The following CWC25 variants were observed in gnomAD, a reference collection of about 807,000 sequenced individuals.
CWC25 encodes pre-mRNA-splicing factor CWC25 homolog.
A neutral mutation model predicts 54.6 loss-of-function variants in CWC25; 31 were observed. The observed-to-expected ratio is 0.57, with a 90% CI of 0.43 to 0.77. The LOEUF (loss-of-function observed/expected upper bound fraction) is 0.77, where lower values mean the gene tolerates loss of function less well. Ranked by LOEUF, CWC25 falls within the 30% of genes least tolerant of loss-of-function variation. The pLI is 0.00. For missense variants in CWC25, 453 were observed against 529.3 expected, an observed-to-expected ratio of 0.86 and a Z score of 1.41; for synonymous variants, 151 against 187.0, an observed-to-expected ratio of 0.81 and a Z score of 1.57.
chr17:38,802,837 C>T lies in CWC25; in HGVS notation c.1026G>A (p.Glu342=). 1.9e-6 allele frequency: 3 copies of T among 1,613,964 alleles called. No individual in the cohort carries two copies. Among genetic ancestry groups the T allele is most frequent in the Non-Finnish European group, 2.5e-6 (3 of 1,179,884 alleles). ...TTTCCATCATCTCTTGCCGTTTTCGCTCTAATTCCTCTGCAGAGAGTTTTC... is the reference window on the plus strand; with the variant it reads ...TTTCCATCATCTCTTGCCGTTTTCGTTCTAATTCCTCTGCAGAGAGTTTTC... The part of the protein sequence containing the change: ...YTRKLSAEEL[E]RKRQEMMENA... Residue 342 remains glutamate (E), a synonymous_variant, in exon 9 of 10, where the codon GAG becomes GAA. Coordinates refer to ENST00000614790, the MANE Select transcript of CWC25 (RefSeq NM_017748.5).
rs138792908 is a variant in CWC25, at chr17:38,810,198, C to A, written c.626+270G>T. 1.6e-3 allele frequency: 775 copies of A among 472,520 alleles called. 6 individuals are homozygous for A. The highest frequency in any genetic ancestry group is 0.014 in the African/African-American group (697 of 49,658). 29.3% of individuals were successfully genotyped at this position (472,520 alleles called of 1,614,324 possible). A position where few individuals can be genotyped will look rare whatever the true frequency, so the allele number is the denominator to read the frequency against. On this transcript the variant is annotated intron_variant, in intron 5 of 9. Transcript: ENST00000614790. ...ACAGAGTCACCCCCAGGATGTCTGACCTACCTAAGACCTACTAGGCTAAAG... is the reference window on the plus strand; with the variant it reads ...ACAGAGTCACCCCCAGGATGTCTGAACTACCTAAGACCTACTAGGCTAAAG...
In CWC25 at chr17:38,811,795, G is replaced by C. The variant is rs551643626; in HGVS notation, c.498+1000C>G. Reference sequence around the variant, plus strand: ...AAACAGTCACCAAAACCACTGCCTAGGAGTTTCCATTCTGTGTCACAGGAA... The same window carrying C: ...AAACAGTCACCAAAACCACTGCCTACGAGTTTCCATTCTGTGTCACAGGAA... On this transcript the variant is annotated intron_variant, in intron 4 of 9. Coordinates refer to ENST00000614790, the MANE Select transcript of CWC25 (RefSeq NM_017748.5). 1.3e-4 allele frequency among the ~76,000 whole-genome samples: 20 copies of C among 152,226 alleles called. No individual in the cohort carries two copies. The South Asian group carries it at 4.1e-3, about 32-fold the overall frequency.
intron 8 of CWC25, 22 bp from the exon 9 acceptor site, chr17:38,802,883 C>G: frequency 1.2e-6 from 2 of 1,613,138 alleles, no homozygotes; most frequent in Non-Finnish European, 1.7e-6. Context: ...AGAAACCATA[C>G]GATCAGGTCT....
At chr17:38,824,731 G>C (rs990804695) in intron 1 of CWC25, among the ~76,000 whole-genome samples, 2 of 152,064 alleles carry the variant, frequency 1.3e-5, no homozygotes, top group African/African-American at 2.4e-5. Context: ...TTAGGGTAGG[G>C]AGAATGGGGC....
At chr17:38,821,277 C>G (rs1235719540) in intron 1 of CWC25, among the ~76,000 whole-genome samples, 3 of 152,086 alleles carry the variant, frequency 2.0e-5, no homozygotes, top group African/African-American at 7.2e-5. Flanking sequence ...AGCTTCAGGA[C>G]AGGTCGGGCG....
intron 1 of CWC25, among the ~76,000 whole-genome samples, chr17:38,824,713 G>A (rs1361237140): frequency 6.6e-6 from 1 of 151,888 alleles, no homozygotes; most frequent in East Asian, 1.9e-4. Flanking sequence ...ACGACCCCAG[G>A]GCATGGCTTA....
intron 4 of CWC25, 59 bp from the exon 5 acceptor site, chr17:38,810,654 T>G: frequency 1.2e-6 from 1 of 855,420 alleles, no homozygotes; most frequent in Non-Finnish European, 1.9e-6. Context: ...GCGCAGTGGC[T>G]CATGCCTGTA....
chr17:38,825,093 T>C (rs1365070113), intron 1 of CWC25, 73 bp downstream of exon 1: 2 of 1,354,568 alleles, frequency 1.5e-6, no homozygotes, highest in East Asian at 5.4e-5. Context: ...ATCCACTCCT[T>C]CCTCTACCCC....
chr17:38,806,605 C>T, intron 7 of CWC25, 160 bp downstream of exon 7: 1 of 782,538 alleles, frequency 1.3e-6, no homozygotes, highest in Middle Eastern at 3.4e-4. Context: ...GATGCCTGAG[C>T]TTTACATTGA....
intron 2 of CWC25, among the ~76,000 whole-genome samples, chr17:38,818,145 G>A (rs535549791): frequency 6.8e-6 from 1 of 146,956 alleles, no homozygotes; most frequent in Admixed American, 6.8e-5. Context: ...GCGTGGTGAT[G>A]TGCGCCTGTA....
At chr17:38,804,386 C>G (rs1049336733) in intron 8 of CWC25, among the ~76,000 whole-genome samples, 12 of 152,012 alleles carry the variant, frequency 7.9e-5, no homozygotes, top group African/African-American at 2.9e-4. Context: ...TATCTAAGAT[C>G]TGGCCGGGCA....
chr17:38,819,078 A>G (rs150092618), intron 2 of CWC25, among the ~76,000 whole-genome samples: 159 of 152,136 alleles, frequency 1.0e-3, no homozygotes, highest in African/African-American at 3.6e-3. Context: ...GGCCGAAGTC[A>G]GTGGCAAAAT....
rs988422174 is a variant in CWC25 at position 38,801,324 on chromosome 17, T to C, written c.*768A>G. On this transcript the variant is annotated 3_prime_UTR_variant, in exon 10 of 10. Transcript: ENST00000614790. ...ACTGCAAGCAGTGGAAAAGAATAGA[T>C]ACTCCAGATCTCGTCGATAAACCCA... 1 of 152,200 alleles carries C rather than the reference T, an allele frequency of 6.6e-6. No homozygotes were observed. Among genetic ancestry groups the C allele is most frequent in the African/African-American group, 2.4e-5 (1 of 41,450 alleles). 9.4% of individuals were successfully genotyped at this position (152,200 alleles called of 1,614,324 possible).
chr17:38,818,588 C>CAAAAAAAAA, intron 2 of CWC25, among the ~76,000 whole-genome samples: 2 of 48,502 alleles, frequency 4.1e-5, no homozygotes, highest in Admixed American at 3.9e-4. Context: ...GACTCCATCT[C>CAAAAAAAAA]AAAAAAAAAA....
chr17:38,802,292 A>G, intron 9 of CWC25, 86 bp from the exon 10 acceptor site: 1 of 871,180 alleles, frequency 1.1e-6, no homozygotes, highest in Non-Finnish European at 1.8e-6. Context: ...ATGGGTTGTT[A>G]GCCATAGAGC....
intron 6 of CWC25, among the ~76,000 whole-genome samples, chr17:38,809,082 CAA>C (rs1402224890): frequency 2.6e-4 from 31 of 119,906 alleles, no homozygotes; most frequent in Admixed American, 2.6e-4. Flanking sequence ...CACTGCTACT[CAA>C]AAAAAAAAAA....
chr17:38,824,344 G>A (rs986855434), intron 1 of CWC25, among the ~76,000 whole-genome samples: 1 of 152,176 alleles, frequency 6.6e-6, no homozygotes, highest in African/African-American at 2.4e-5. Context: ...CAGCACTGAA[G>A]GAGGTGTGGA....
intron 2 of CWC25, 88 bp downstream of exon 2, chr17:38,820,813 A>T: frequency 2.1e-6 from 3 of 1,437,396 alleles, no homozygotes; most frequent in Non-Finnish European, 2.8e-6. Flanking sequence ...GCCCTTAAGC[A>T]CTCAGCCATT....
intron 1 of CWC25, among the ~76,000 whole-genome samples, chr17:38,824,094 T>A (rs1011053507): frequency 6.6e-6 from 1 of 152,204 alleles, no homozygotes; most frequent in Non-Finnish European, 1.5e-5. Flanking sequence ...TGAGAACACA[T>A]GACAAACTAA....
Sources: gnomAD v4.1 joint callset for allele counts (sites outside exome capture counted in the v4.1 genomes callset) on GRCh38, gnomAD v4.1.1 for gene constraint, MANE v1.5 for transcripts, NCBI Gene and HGNC (gene_info 2026-07-23, HGNC 2026-07-21) for gene names.